Variants in FHIT observed in about 807,000 individuals in gnomAD.
The protein encoded by FHIT is fragile histidine triad diadenosine triphosphatase, also known as bis(5'-adenosyl)-triphosphatase.
Under a neutral mutation model 17.9 loss-of-function variants are expected in FHIT, and 19 were observed. That is an observed-to-expected ratio of 1.06 (90% CI 0.74 to 1.56). The LOEUF (loss-of-function observed/expected upper bound fraction) is 1.56. FHIT is among the 40% of genes most tolerant of loss of function. The probability of loss-of-function intolerance (pLI) is 0.00; values close to 1 mark genes in which losing one functional copy is unlikely to be tolerated. For synonymous variants in FHIT, 81 were observed against 69.7 expected (o/e 1.16, Z -0.81); for missense variants, 248 against 189.2 (o/e 1.31, Z -1.82).
chr3:59,998,051 G>A (rs924567490), intron 7 of FHIT, among the ~76,000 whole-genome samples: 2 of 152,018 alleles, frequency 1.3e-5, no homozygotes, highest in Admixed American at 6.6e-5. Flanking sequence ...TCATGCTTTC[G>A]CTGACTGCCC....
chr3:60,398,154 C>G (rs1701525073), intron 5 of FHIT, among the ~76,000 whole-genome samples: 1 of 152,150 alleles, frequency 6.6e-6, no homozygotes, highest in African/African-American at 2.4e-5. Context: ...GCAAAAAACC[C>G]TGCATCACTA....
intron 3 of FHIT, among the ~76,000 whole-genome samples, chr3:60,913,822 T>C (rs1176287025): frequency 1.3e-5 from 2 of 152,154 alleles, no homozygotes; most frequent in East Asian, 1.9e-4. Flanking sequence ...GTCTTTGTTG[T>C]TCTTCAGGAC....
intron 3 of FHIT, among the ~76,000 whole-genome samples, chr3:61,038,091 C>G (rs915986224): frequency 1.3e-5 from 2 of 152,118 alleles, no homozygotes; most frequent in Non-Finnish European, 2.9e-5. Context: ...ATTTAAGTAA[C>G]AATCATCAAT....
intron 4 of FHIT, among the ~76,000 whole-genome samples, chr3:60,737,078 A>G (rs1338728778): frequency 1.3e-5 from 2 of 152,164 alleles, no homozygotes; most frequent in Non-Finnish European, 2.9e-5. Flanking sequence ...GCATACATAA[A>G]AGCTATTCGG....
chr3:60,350,221 G>T (rs115443200), intron 5 of FHIT, among the ~76,000 whole-genome samples: 1 of 152,114 alleles, frequency 6.6e-6, no homozygotes, highest in Non-Finnish European at 1.5e-5. Flanking sequence ...TCAGATGCCT[G>T]AAGAAGCCAG....
chr3:60,788,662 T>C (rs1183984243), intron 4 of FHIT, among the ~76,000 whole-genome samples: 7 of 152,118 alleles, frequency 4.6e-5, no homozygotes, highest in Non-Finnish European at 5.9e-5. Context: ...AGACAGGGTG[T>C]TGACATTCAC....
chr3:60,274,640 G>GGTA (rs1170843456), intron 5 of FHIT, among the ~76,000 whole-genome samples: 2 of 152,094 alleles, frequency 1.3e-5, no homozygotes, highest in African/African-American at 4.8e-5. Flanking sequence ...AATTCAAGGT[G>GGTA]GTAGCACAGC....
chr3:60,966,482 T>C (rs1236972425), intron 3 of FHIT, among the ~76,000 whole-genome samples: 1 of 152,146 alleles, frequency 6.6e-6, no homozygotes, highest in Non-Finnish European at 1.5e-5. Context: ...GTACCTCAAT[T>C]GGAAATGCAG....
chr3:59,817,365 C>T (rs753915224), intron 8 of FHIT, among the ~76,000 whole-genome samples: 1 of 151,882 alleles, frequency 6.6e-6, no homozygotes, highest in African/African-American at 2.4e-5. Context: ...GGATGTAAGA[C>T]TATCCACCAA....
intron 3 of FHIT, among the ~76,000 whole-genome samples, chr3:60,926,264 C>A (rs1707603832): frequency 6.6e-6 from 1 of 152,142 alleles, no homozygotes; most frequent in South Asian, 2.1e-4. Context: ...TTCTTTTCAG[C>A]ACCACACCAC....
chr3:60,155,703 T>G (rs77851157), intron 5 of FHIT, among the ~76,000 whole-genome samples: 2,350 of 152,256 alleles, frequency 0.015, 57 homozygotes, highest in African/African-American at 0.049. Flanking sequence ...TTTCTGACAT[T>G]CATTTACTGC....
chr3:59,913,639 A>G (rs1324965926), intron 8 of FHIT, among the ~76,000 whole-genome samples: 2 of 152,142 alleles, frequency 1.3e-5, no homozygotes, highest in Admixed American at 1.3e-4. Context: ...TGACAATAAT[A>G]ATTGTATTAT....
At chr3:60,329,791 C>T (rs1002260927) in intron 5 of FHIT, among the ~76,000 whole-genome samples, 8 of 152,170 alleles carry the variant, frequency 5.3e-5, no homozygotes, top group Admixed American at 4.6e-4. Context: ...CTCTGCCCCT[C>T]CAGACAGTTT....
At chr3:61,114,504 T>C (rs890272130) in intron 2 of FHIT, among the ~76,000 whole-genome samples, 1 of 152,132 alleles carries the variant, frequency 6.6e-6, no homozygotes, top group Non-Finnish European at 1.5e-5. Context: ...ATGCATAAAA[T>C]AGGATTAGTA....
At chr3:60,956,751 C>A (rs1553779021) in intron 3 of FHIT, among the ~76,000 whole-genome samples, 1 of 152,168 alleles carries the variant, frequency 6.6e-6, no homozygotes, top group African/African-American at 2.4e-5. Context: ...AAGGGTCTTA[C>A]AACAAAGAGA....
chr3:60,363,448 T>C (rs1219902104), intron 5 of FHIT, among the ~76,000 whole-genome samples: 1 of 152,222 alleles, frequency 6.6e-6, no homozygotes, highest in African/African-American at 2.4e-5. Context: ...CTAAGCACTG[T>C]ATGCCAGACA....
At chr3:60,000,025 ATC>A (rs570155380) in intron 7 of FHIT, among the ~76,000 whole-genome samples, 8 of 152,194 alleles carry the variant, frequency 5.3e-5, no homozygotes, top group African/African-American at 1.7e-4. Context: ...CAGCCTCAGC[ATC>A]TGTTTTGCTC....
chr3:59,876,565 G>T (rs1052889948), intron 8 of FHIT, among the ~76,000 whole-genome samples: 2 of 152,148 alleles, frequency 1.3e-5, no homozygotes, highest in East Asian at 3.9e-4. Context: ...CAGTCTTCAA[G>T]AGAGAAGAGG....
chr3:60,843,154 T>C (rs1482052367), intron 3 of FHIT, among the ~76,000 whole-genome samples: 1 of 151,994 alleles, frequency 6.6e-6, no homozygotes, highest in Non-Finnish European at 1.5e-5. Flanking sequence ...CCCCAGGCAA[T>C]GTGAAGGTGA....
Sources: gnomAD v4.1 joint callset for allele counts (sites outside exome capture counted in the v4.1 genomes callset) on GRCh38, gnomAD v4.1.1 for gene constraint, MANE v1.5 for transcripts, NCBI Gene and HGNC (gene_info 2026-07-23, HGNC 2026-07-21) for gene names.